ANKRD26: variants seen among roughly 807,000 people sequenced by gnomAD.
ANKRD26 encodes ankyrin repeat domain-containing protein 26.
A neutral mutation model predicts 208.7 loss-of-function variants in ANKRD26; 141 were observed. That is an observed-to-expected ratio of 0.68 (90% CI 0.59 to 0.78). The LOEUF is 0.78. ANKRD26 is among the 30% of genes least tolerant of loss of function. The pLI, the probability that ANKRD26 is intolerant of heterozygous loss-of-function variation, is 0.00. For synonymous variants in ANKRD26, 636 were observed against 660.4 expected, an observed-to-expected ratio of 0.96 and a Z score of 0.57; for missense variants, 1,889 against 1,938.7, an observed-to-expected ratio of 0.97 and a Z score of 0.48.
intron 4 of ANKRD26, among the ~76,000 whole-genome samples, chr10:27,091,457 C>A (rs1301843246): frequency 6.6e-6 from 1 of 151,896 alleles, no homozygotes; most frequent in Admixed American, 6.6e-5. Context: ...ATAAAAACAT[C>A]AAAATATACT....
At chr10:27,033,070 G>A (rs1247304164) in intron 25 of ANKRD26, among the ~76,000 whole-genome samples, 155 bp downstream of exon 25, 1 of 146,524 alleles carries the variant, frequency 6.8e-6, no homozygotes, top group African/African-American at 2.5e-5. Context: ...GCAATAGAAC[G>A]AGACTCCATC....
At chr10:27,070,539 T>C (rs1339493749) in intron 9 of ANKRD26, among the ~76,000 whole-genome samples, 2 of 152,224 alleles carry the variant, frequency 1.3e-5, no homozygotes, top group Non-Finnish European at 2.9e-5. Flanking sequence ...TTCTGAGTTT[T>C]AGAGATGAAT....
chr10:27,064,888 A>T (rs1421996102), intron 11 of ANKRD26, among the ~76,000 whole-genome samples: 7 of 152,252 alleles, frequency 4.6e-5, no homozygotes, highest in African/African-American at 1.7e-4. Context: ...TGTATTAAGC[A>T]TGTGAAATGT....
the ANKRD26 span, among the ~76,000 whole-genome samples, chr10:26,963,559 C>G: frequency 6.6e-6 from 1 of 152,188 alleles, no homozygotes; most frequent in Non-Finnish European, 1.5e-5. Flanking sequence ...AGAGTAAGTA[C>G]AGGATCTTGA....
At chr10:27,091,085 C>A (rs912525877) in intron 4 of ANKRD26, among the ~76,000 whole-genome samples, 1 of 151,064 alleles carries the variant, frequency 6.6e-6, no homozygotes, top group Admixed American at 6.6e-5. Flanking sequence ...CAGAGCCAGA[C>A]CCTGTCTCAA....
chr10:27,050,569 G>A (rs909587065), intron 16 of ANKRD26, among the ~76,000 whole-genome samples: 10 of 152,180 alleles, frequency 6.6e-5, no homozygotes, highest in African/African-American at 1.9e-4. Flanking sequence ...TTACACACAC[G>A]AAAGCACATT....
chr10:27,100,044 T>G, intron 1 of ANKRD26, 41 bp downstream of exon 1: 1 of 1,612,042 alleles, frequency 6.2e-7, no homozygotes, highest in Middle Eastern at 1.7e-4. Flanking sequence ...CCTGCCCGCC[T>G]ACTCCAGTGG....
In ANKRD26 at chr10:27,014,743, A is replaced by C. The variant is rs750574085; in HGVS notation, c.4507-32T>G. ...CAAATTAAAAGCATATGTTTTAAAA[A>C]TATATAACCTGAGTAAGACCATGGT... On this transcript the variant is annotated intron_variant, in intron 30 of 33. Coordinates refer to ENST00000376087, the MANE Select transcript of ANKRD26 (RefSeq NM_014915.3). 8.9e-6 allele frequency: 14 copies of C among 1,570,080 alleles called. No homozygotes were observed. In the East Asian group the frequency reaches 2.5e-4, roughly 28 times the overall value.
chr10:26,947,988 C>A, the ANKRD26 span, among the ~76,000 whole-genome samples: 2 of 152,212 alleles, frequency 1.3e-5, no homozygotes, highest in African/African-American at 4.8e-5. Flanking sequence ...GTTGCCCAGG[C>A]TGGAGTATAG....
chr10:27,100,393 A>G lies in ANKRD26; in HGVS notation c.-67T>C, dbSNP rs2056612542. 1.9e-6 allele frequency: 3 copies of G among 1,593,768 alleles called. No homozygotes were observed. The African/African-American group carries it at 4.0e-5, about 21-fold the overall frequency. On this transcript the variant is annotated 5_prime_UTR_variant, in exon 1 of 34. Transcript: ENST00000376087. ...CGGCTCTTAACGGCCTCCGGAGCCC[A>G]ACATAACAAGTCAGCCCCGGCTGGC...
At chr10:27,021,204 G>C (rs2053476572) in intron 29 of ANKRD26, among the ~76,000 whole-genome samples, 1 of 152,118 alleles carries the variant, frequency 6.6e-6, no homozygotes, top group African/African-American at 2.4e-5. Context: ...GGACATTTAG[G>C]TTGATTCCAC....
chr10:27,067,783 AATATGAG>A (rs1207180728), intron 9 of ANKRD26, among the ~76,000 whole-genome samples: 1 of 152,186 alleles, frequency 6.6e-6, no homozygotes. Flanking sequence ...ATTACATTTC[AATATGAG>A]ATTTGGGGCA....
intron 29 of ANKRD26, among the ~76,000 whole-genome samples, chr10:27,019,919 T>C (rs1395999670): frequency 6.6e-6 from 1 of 152,258 alleles, no homozygotes; most frequent in Non-Finnish European, 1.5e-5. Flanking sequence ...AGCTTGTCTC[T>C]GTTCCCCTCA....
chr10:27,042,244 A>G (rs2054265901), intron 20 of ANKRD26, among the ~76,000 whole-genome samples: 1 of 152,184 alleles, frequency 6.6e-6, no homozygotes, highest in Non-Finnish European at 1.5e-5. Flanking sequence ...ATATGTCCAT[A>G]TCCAAAAAAA....
chr10:27,060,376 T>C lies in ANKRD26; in HGVS notation c.1533A>G (p.Gly511=), dbSNP rs745584533. The change falls in exon 15 of 34, where the codon GGA becomes GGG. Residue 511 remains glycine (G), a synonymous_variant. Transcript: ENST00000376087. ...EMKDSVPNKA[G]GMKDVQTSKA... The stretch of plus-strand genomic sequence containing the variant: ...TGGATGTTTGTACATCCTTCATTCC[T>C]CCTGCTTTATTTGGAACAGAATCTT... The C allele has an allele frequency of 6.2e-7, 1 of 1,612,974 alleles. No individual in the cohort carries two copies. Among genetic ancestry groups the C allele is most frequent in the Non-Finnish European group, 8.5e-7 (1 of 1,179,098 alleles).
At chr10:27,070,141 A>C (rs959010570) in intron 9 of ANKRD26, among the ~76,000 whole-genome samples, 2 of 148,006 alleles carry the variant, frequency 1.4e-5, no homozygotes, top group Admixed American at 1.4e-4. Flanking sequence ...GTGGTGGCTC[A>C]TGCCTGTAAT....
intron 9 of ANKRD26, among the ~76,000 whole-genome samples, chr10:27,068,989 T>C (rs1037559356): frequency 6.6e-6 from 1 of 150,956 alleles, no homozygotes; most frequent in Non-Finnish European, 1.5e-5. Context: ...ATGTCAGGAG[T>C]TCGAGACCAG....
At chr10:26,948,428 G>T in the ANKRD26 span, among the ~76,000 whole-genome samples, 1 of 152,020 alleles carries the variant, frequency 6.6e-6, no homozygotes, top group Non-Finnish European at 1.5e-5. Context: ...GACTTCATTC[G>T]GGAAAAATAA....
At chr10:26,958,917 C>CTG in the ANKRD26 span, among the ~76,000 whole-genome samples, 7 of 152,292 alleles carry the variant, frequency 4.6e-5, no homozygotes, top group South Asian at 1.2e-3. Flanking sequence ...AGTATTGACA[C>CTG]TTTCACCAGC....
Sources: allele counts gnomAD v4.1 joint callset (sites outside exome capture counted in the v4.1 genomes callset), GRCh38; gene constraint gnomAD v4.1.1; transcripts MANE v1.5; gene names NCBI Gene and HGNC (gene_info 2026-07-23, HGNC 2026-07-21).